Variants in EEA1 observed in about 807,000 individuals in gnomAD.
The protein encoded by EEA1 is early endosome antigen 1.
A neutral mutation model predicts 209.2 loss-of-function variants in EEA1; 111 were observed. That is an observed-to-expected ratio of 0.53 (90% CI 0.45 to 0.62). EEA1 has a LOEUF of 0.62. Ranked by LOEUF, EEA1 falls within the 20% of genes least tolerant of loss-of-function variation. The pLI is 0.00. For missense variants in EEA1, 1,343 were observed against 1,530.8 expected (o/e 0.88, Z 2.05); for synonymous variants, 536 against 540.6 (o/e 0.99, Z 0.12).
At chr12:92,924,201 C>CTTT (rs754907902) in intron 1 of EEA1, among the ~76,000 whole-genome samples, 34 of 94,516 alleles carry the variant, frequency 3.6e-4, no homozygotes, top group African/African-American at 1.2e-3. Context: ...ACATTTAAGA[C>CTTT]TTTTTTTTTT....
At chr12:92,892,583 G>C (rs1565853221) in intron 1 of EEA1, among the ~76,000 whole-genome samples, 1 of 150,622 alleles carries the variant, frequency 6.6e-6, no homozygotes. Context: ...CAAGAGTCTT[G>C]CTCTGTCATC....
intron 10 of EEA1, among the ~76,000 whole-genome samples, chr12:92,841,805 G>A (rs1170991687): frequency 6.6e-6 from 1 of 152,120 alleles, no homozygotes; most frequent in African/African-American, 2.4e-5. Flanking sequence ...CAGCCACTAT[G>A]GAAATTAGTA....
intron 10 of EEA1, among the ~76,000 whole-genome samples, chr12:92,840,553 T>C (rs1395071740): frequency 6.6e-6 from 1 of 152,140 alleles, no homozygotes; most frequent in East Asian, 1.9e-4. Flanking sequence ...CTCAGGTGAT[T>C]TGCCCGCCTT....
chr12:92,863,881 C>T (rs1265458469), intron 3 of EEA1, among the ~76,000 whole-genome samples: 2 of 152,140 alleles, frequency 1.3e-5, no homozygotes, highest in Non-Finnish European at 2.9e-5. Context: ...ATACTGGACA[C>T]AGTCTAATTC....
At chr12:92,871,749 A>C (rs1265017664) in intron 2 of EEA1, among the ~76,000 whole-genome samples, 1 of 152,202 alleles carries the variant, frequency 6.6e-6, no homozygotes, top group Non-Finnish European at 1.5e-5. Context: ...CATTGGTTCA[A>C]TTCCTTTTCA....
intron 1 of EEA1, among the ~76,000 whole-genome samples, chr12:92,926,735 G>A (rs1336304019): frequency 1.3e-5 from 2 of 152,024 alleles, no homozygotes; most frequent in South Asian, 2.1e-4. Context: ...TACTACCTGC[G>A]CCTTTTATGA....
intron 13 of EEA1, among the ~76,000 whole-genome samples, chr12:92,825,313 C>T (rs1343850497): frequency 3.9e-5 from 6 of 151,936 alleles, no homozygotes; most frequent in East Asian, 1.9e-4. Flanking sequence ...TAGCCGGGCA[C>T]GGTGGCGGAC....
rs1468574347 is a variant in EEA1, at chr12:92,775,758, C to T, written c.*253G>A. The T allele has an allele frequency of 6.1e-6, 2 of 326,838 alleles. No individual in the cohort carries two copies. The highest frequency in any genetic ancestry group is 4.3e-5 in the African/African-American group (2 of 46,980). The allele number at this position is 326,838 out of a possible 1,614,324, so 20.2% of individuals were successfully genotyped here. On this transcript the variant is annotated 3_prime_UTR_variant, in exon 29 of 29. Coordinates refer to ENST00000322349, the MANE Select transcript of EEA1 (RefSeq NM_003566.4). ...CCAAAGTTTATTTACATTTCATTGG[C>T]TAATTCTAAACTTGGCATGAAAGCT... is the stretch of plus-strand genomic sequence containing the variant.
intron 11 of EEA1, among the ~76,000 whole-genome samples, chr12:92,830,054 A>G (rs947156613): frequency 3.3e-5 from 5 of 151,982 alleles, no homozygotes; most frequent in Admixed American, 1.3e-4. Flanking sequence ...GTTGGGTACA[A>G]TGGTTACTAT....
In EEA1 at chr12:92,774,461, TAAC is replaced by T. The variant is rs1363905336; in HGVS notation, c.*1547_*1549del. On this transcript the variant is annotated 3_prime_UTR_variant, in exon 29 of 29. Transcript: ENST00000322349. ...TTAAGAACTATTATAAATGAAATAT[TAAC>T]TACTGTTATAAAATGATTGCACTGA... 1 of 151,642 alleles carries T rather than the reference TAAC, an allele frequency of 6.6e-6. No individual in the cohort carries two copies. The highest frequency in any genetic ancestry group is 2.4e-5 in the African/African-American group (1 of 41,406). 9.4% of individuals were successfully genotyped at this position (151,642 alleles called of 1,614,324 possible). A position where few individuals can be genotyped will look rare whatever the true frequency, so the allele number is the denominator to read the frequency against.
intron 13 of EEA1, among the ~76,000 whole-genome samples, chr12:92,822,577 G>C (rs952326641): frequency 2.6e-5 from 4 of 151,970 alleles, no homozygotes; most frequent in African/African-American, 9.7e-5. Flanking sequence ...TCCATCTGCA[G>C]GTTATTCTTA....
chr12:92,853,079 T>C (rs553514445), intron 6 of EEA1, 54 bp from the exon 7 acceptor site: 3 of 1,102,466 alleles, frequency 2.7e-6, no homozygotes, highest in South Asian at 2.8e-5. Context: ...ATATGCTAAA[T>C]TGTTATTACT....
At chr12:92,792,175 A>G (rs1231294528) in intron 21 of EEA1, among the ~76,000 whole-genome samples, 1 of 152,224 alleles carries the variant, frequency 6.6e-6, no homozygotes, top group Non-Finnish European at 1.5e-5. Context: ...AAAGCAAGAA[A>G]GAACTAAAAT....
chr12:92,909,010 G>A (rs923514967), intron 1 of EEA1, among the ~76,000 whole-genome samples: 4 of 152,010 alleles, frequency 2.6e-5, no homozygotes, highest in Admixed American at 1.3e-4. Context: ...ATGGGGTTTC[G>A]CCGTGTTAGC....
chr12:92,809,774 A>G (rs554344181), intron 17 of EEA1, among the ~76,000 whole-genome samples: 1 of 152,270 alleles, frequency 6.6e-6, no homozygotes, highest in South Asian at 2.1e-4. Context: ...TATCTCAGTA[A>G]AAGTTATTAA....
chr12:92,898,729 CCCTTTTTTT>C (rs1565856322), intron 1 of EEA1, among the ~76,000 whole-genome samples: 3 of 127,876 alleles, frequency 2.3e-5, no homozygotes, highest in Non-Finnish European at 4.8e-5. Flanking sequence ...TCCTTTTTTT[CCCTTTTTTT>C]TTTTTTTTTT....
chr12:92,848,179 G>A (rs969089652), intron 9 of EEA1, among the ~76,000 whole-genome samples: 7 of 149,548 alleles, frequency 4.7e-5, no homozygotes, highest in East Asian at 3.9e-4. Flanking sequence ...ATGAAAACAC[G>A]AAGAACTGAT....
chr12:92,837,287 C>CAG (rs929469056), intron 10 of EEA1, among the ~76,000 whole-genome samples: 29 of 152,302 alleles, frequency 1.9e-4, no homozygotes, highest in African/African-American at 6.3e-4. Flanking sequence ...AACAGACTCT[C>CAG]AGAGGCTTAG....
rs71069185 is a variant in EEA1, at chr12:92,869,752, C to CAAAAAAAAAAAAAAAAAAAAAA, written c.118-4787_118-4766dup. ...TGGGTGACACAGTGAGATTCTGCCT[C>CAAAAAAAAAAAAAAAAAAAAAA]AAAAAAAAAAAAAAAAAAAAAAAAA... On this transcript the variant is annotated intron_variant, in intron 2 of 28. Transcript: ENST00000322349. Among the ~76,000 whole-genome samples the CAAAAAAAAAAAAAAAAAAAAAA allele has an allele frequency of 7.5e-5, 2 of 26,792 alleles. 1 individual carries two copies. Among genetic ancestry groups the CAAAAAAAAAAAAAAAAAAAAAA allele is most frequent in the Non-Finnish European group, 1.4e-4 (2 of 14,188 alleles). The allele number at this position is 26,792 out of a possible 152,430, so 17.6% of individuals were successfully genotyped here.
Sources: gnomAD v4.1 joint callset for allele counts (sites outside exome capture counted in the v4.1 genomes callset) on GRCh38, gnomAD v4.1.1 for gene constraint, MANE v1.5 for transcripts, NCBI Gene and HGNC (gene_info 2026-07-23, HGNC 2026-07-21) for gene names.